Variants in ARMC2 observed in about 807,000 individuals in gnomAD.
ARMC2 encodes the protein armadillo repeat containing 2, also known as armadillo repeat-containing protein 2.
A neutral mutation model predicts 90.3 loss-of-function variants in ARMC2; 67 were observed. That is an observed-to-expected ratio of 0.74 (90% CI 0.61 to 0.91). The LOEUF is 0.91. Among genes scored for constraint, ARMC2 ranks in the 40% least tolerant of loss-of-function variants. ARMC2 has a pLI of 0.00. For missense variants in ARMC2, 920 were observed against 1,030.9 expected (o/e 0.89, Z 1.47); for synonymous variants, 393 against 393.0 (o/e 1.00, Z 0.00).
intron 13 of ARMC2, 69 bp from the exon 14 acceptor site, chr6:108,961,503 G>C: frequency 6.7e-7 from 1 of 1,489,450 alleles, no homozygotes; most frequent in Non-Finnish European, 9.0e-7. Flanking sequence ...TGCTGTTGCT[G>C]TAGTTGCAAC....
intron 16 of ARMC2, 69 bp from the exon 17 acceptor site, chr6:108,964,911 G>T: frequency 8.6e-7 from 1 of 1,166,766 alleles, no homozygotes; most frequent in Non-Finnish European, 1.2e-6. Context: ...TAATCATTAT[G>T]CTAACAATAT....
chr6:109,018,528 G>A, the ARMC2 span, among the ~76,000 whole-genome samples: 3 of 152,128 alleles, frequency 2.0e-5, no homozygotes, highest in South Asian at 2.1e-4. Flanking sequence ...TGCTTGGTAC[G>A]TGCTCCTGAA....
At chr6:108,997,640 A>G in the ARMC2 span, among the ~76,000 whole-genome samples, 16,964 of 152,238 alleles carry the variant, frequency 0.11, 1,046 homozygotes, top group Middle Eastern at 0.19. Context: ...ATTTAGATAC[A>G]AAAGAACTGA....
At chr6:109,034,201 C>T in the ARMC2 span, among the ~76,000 whole-genome samples, 14 of 152,104 alleles carry the variant, frequency 9.2e-5, no homozygotes, top group Non-Finnish European at 1.3e-4. Context: ...TTTTAAACAC[C>T]CATGACTTTA....
In ARMC2 at chr6:108,854,413, A is replaced by C. The variant is rs1198166210; in HGVS notation, c.146A>C (p.Gln49Pro). Reference sequence around the variant, plus strand: ...AGAACCCAAAGACCATTTACACCACAGGAGGCTCAAAGAAAACTATTCGGA... The same window carrying C: ...AGAACCCAAAGACCATTTACACCACCGGAGGCTCAAAGAAAACTATTCGGA... ...TVRTQRPFTP[Q>P]EAQRKLFGPA... The change falls in exon 2 of 18, where the codon CAG becomes CCG. Residue 49 changes from glutamine (Q) to proline (P), a missense_variant. Coordinates refer to ENST00000392644, the MANE Select transcript of ARMC2 (RefSeq NM_032131.6). The C allele has an allele frequency of 4.3e-6, 7 of 1,613,612 alleles. No homozygotes were observed. Among genetic ancestry groups the C allele is most frequent in the Non-Finnish European group, 5.1e-6 (6 of 1,179,820 alleles).
chr6:109,050,811 C>T, the ARMC2 span, among the ~76,000 whole-genome samples: 1 of 152,192 alleles, frequency 6.6e-6, no homozygotes, highest in East Asian at 1.9e-4. Context: ...CACTCATCCA[C>T]CACTAGCATC....
At chr6:108,908,089 A>AT (rs1202496463) in intron 8 of ARMC2, among the ~76,000 whole-genome samples, 2 of 152,128 alleles carry the variant, frequency 1.3e-5, no homozygotes, top group Non-Finnish European at 2.9e-5. Flanking sequence ...CACTGTGCAC[A>AT]TGCATCCCCT....
At chr6:108,948,572 G>A (rs1776966026) in intron 12 of ARMC2, among the ~76,000 whole-genome samples, 1 of 150,136 alleles carries the variant, frequency 6.7e-6, no homozygotes, top group Admixed American at 6.7e-5. Flanking sequence ...CGCATGCCAT[G>A]CTTCAGTTGG....
At position 108,876,244 on chromosome 6, in the gene ARMC2, A is replaced by G; in HGVS notation, c.565A>G (p.Lys189Glu). The change falls in exon 5 of 18, where the codon AAG becomes GAG. Residue 189 changes from lysine to glutamate, a missense_variant. Transcript: ENST00000392644. ...LTKSNAICHL[K>E]SHPLQLTDDG... is the part of the protein sequence containing the mutation. ...AAAATCAAATGCTATTTGCCACTTA[A>G]AGAGTCACCCACTTCAGCTAACTGA... 4 of 1,613,330 alleles carry G rather than the reference A, an allele frequency of 2.5e-6. No homozygotes were observed. Among genetic ancestry groups the G allele is most frequent in the Non-Finnish European group, 3.4e-6 (4 of 1,179,630 alleles).
At position 108,848,453 on chromosome 6, in the gene ARMC2, CCCGCGCCAGCGCTGCATCCCTGG is replaced by C. The variant is rs1257131192; in HGVS notation, c.-132_-110del. ...CGAGCGGCGTCGTGGGGTTACCCCG[CCCGCGCCAGCGCTGCATCCCTGG>C]CCGCTACCCGGGGAGAGCCGGAGGA... On this transcript the variant is annotated 5_prime_UTR_variant, in exon 1 of 18. Transcript: ENST00000392644. 6.6e-6 allele frequency: 1 copy of C among 152,332 alleles called. No individual in the cohort carries two copies. The highest frequency in any genetic ancestry group is 1.5e-5 in the Non-Finnish European group (1 of 68,106). 9.4% of individuals were successfully genotyped at this position (152,332 alleles called of 1,614,324 possible).
chr6:108,890,306 G>T (rs1482931126), intron 5 of ARMC2, among the ~76,000 whole-genome samples: 1 of 143,448 alleles, frequency 7.0e-6, no homozygotes, highest in Non-Finnish European at 1.5e-5. Flanking sequence ...AGCTCAATAA[G>T]ATTTGACTCT....
At chr6:109,020,569 G>A in the ARMC2 span, among the ~76,000 whole-genome samples, 1 of 152,110 alleles carries the variant, frequency 6.6e-6, no homozygotes, top group African/African-American at 2.4e-5. Flanking sequence ...TGAACAAATT[G>A]CACAGTGCAA....
At chr6:108,956,670 T>C (rs768988842) in intron 13 of ARMC2, among the ~76,000 whole-genome samples, 12 of 151,980 alleles carry the variant, frequency 7.9e-5, no homozygotes, top group Middle Eastern at 3.4e-3. Flanking sequence ...CACTGCACTC[T>C]GGCCTGGGCA....
At chr6:108,874,725 C>G (rs1292453502) in intron 4 of ARMC2, among the ~76,000 whole-genome samples, 1 of 152,110 alleles carries the variant, frequency 6.6e-6, no homozygotes, top group Non-Finnish European at 1.5e-5. Flanking sequence ...GGGGCCTGCA[C>G]TCGAACCCAA....
chr6:109,043,081 G>A, the ARMC2 span, among the ~76,000 whole-genome samples: 1 of 152,016 alleles, frequency 6.6e-6, no homozygotes, highest in Non-Finnish European at 1.5e-5. Context: ...ACAGGCTAAG[G>A]AAGAAAAACC....
intron 3 of ARMC2, 110 bp downstream of exon 3, chr6:108,858,381 CTAAA>C: frequency 5.0e-6 from 3 of 604,582 alleles, no homozygotes. Flanking sequence ...TCATGTACAC[CTAAA>C]TAGACTAATA....
At chr6:108,871,304 T>C (rs957452108) in intron 4 of ARMC2, among the ~76,000 whole-genome samples, 1 of 152,066 alleles carries the variant, frequency 6.6e-6, no homozygotes, top group Non-Finnish European at 1.5e-5. Context: ...GGAGAGACAA[T>C]GTGATGTAGG....
chr6:108,897,057 C>A (rs969294999), intron 6 of ARMC2, among the ~76,000 whole-genome samples: 3 of 152,092 alleles, frequency 2.0e-5, no homozygotes, highest in Non-Finnish European at 4.4e-5. Context: ...CTTTTAGAAT[C>A]CATATCCATA....
At chr6:108,989,536 T>C in the ARMC2 span, among the ~76,000 whole-genome samples, 5 of 103,874 alleles carry the variant, frequency 4.8e-5, no homozygotes, top group South Asian at 1.4e-3. Context: ...TCTATAGAGA[T>C]AGAGATATCT....
Sources: gnomAD v4.1 joint callset for allele counts (sites outside exome capture counted in the v4.1 genomes callset) on GRCh38, gnomAD v4.1.1 for gene constraint, MANE v1.5 for transcripts, NCBI Gene and HGNC (gene_info 2026-07-23, HGNC 2026-07-21) for gene names.